Variants in PGBD5 observed in about 807,000 individuals in gnomAD.
PGBD5 encodes piggyBac transposable element derived 5, also known as piggyBac transposable element-derived protein 5.
A neutral mutation model predicts 47.9 loss-of-function variants in PGBD5; 14 were observed. The observed-to-expected ratio is 0.29, with a 90% CI of 0.19 to 0.46. The LOEUF (loss-of-function observed/expected upper bound fraction) is 0.46, where lower values mean the gene tolerates loss of function less well. Among genes scored for constraint, PGBD5 ranks in the 20% least tolerant of loss-of-function variants. PGBD5 has a pLI of 1.00. For synonymous variants in PGBD5, 316 were observed against 306.3 expected (o/e 1.03, Z -0.33); for missense variants, 635 against 716.0 (o/e 0.89, Z 1.29).
In PGBD5 at chr1:230,337,264, C is replaced by G; in HGVS notation, c.919G>C (p.Gly307Arg). 2 of 1,612,760 alleles carry G rather than the reference C, an allele frequency of 1.2e-6. No individual in the cohort carries two copies. The highest frequency in any genetic ancestry group is 2.7e-5 in the African/African-American group (2 of 75,056). ...AGCGCATCCAGGCCATCTGGGCCCCCACCTTCCTTCAGGTGGACATAAATC... is the reference window on the plus strand; with the variant it reads ...AGCGCATCCAGGCCATCTGGGCCCCGACCTTCCTTCAGGTGGACATAAATC... ...IQIYVHLKEG[G>R]GPDGLDALKN... The change falls in exon 4 of 7, where the codon GGG (glycine) becomes CGG (arginine). Residue 307 changes from glycine to arginine, a missense_variant. By Grantham distance (125) the Gly-to-Arg change is moderately radical (BLOSUM62 -2). Coordinates refer to ENST00000391860, the MANE Select transcript of PGBD5 (RefSeq NM_001258311.2).
intron 1 of PGBD5, among the ~76,000 whole-genome samples, chr1:230,358,124 C>G (rs1667685271): frequency 1.3e-5 from 2 of 152,164 alleles, no homozygotes; most frequent in Non-Finnish European, 2.9e-5. Context: ...CAACACTCCC[C>G]CCAGACAGCA....
intron 5 of PGBD5, among the ~76,000 whole-genome samples, chr1:230,331,290 C>A (rs1342443549): frequency 6.6e-6 from 1 of 152,044 alleles, no homozygotes; most frequent in Non-Finnish European, 1.5e-5. Flanking sequence ...GCGGTATGCA[C>A]CTGTAGTCCA....
chr1:230,360,544 A>G (rs1409502967), intron 1 of PGBD5, among the ~76,000 whole-genome samples: 1 of 152,156 alleles, frequency 6.6e-6, no homozygotes, highest in Non-Finnish European at 1.5e-5. Flanking sequence ...TGTTCTCGTG[A>G]TAGTGAGTGA....
At chr1:230,405,126 C>T (rs1293066009) in intron 1 of PGBD5, among the ~76,000 whole-genome samples, 7 of 150,074 alleles carry the variant, frequency 4.7e-5, no homozygotes, top group African/African-American at 7.4e-5. Context: ...ACCTGGGAGG[C>T]GGAGCTTGCA....
At position 230,357,163 on chromosome 1, in the gene PGBD5, G is replaced by A. The variant is rs895242081; in HGVS notation, c.490C>T (p.Leu164=). The change falls in exon 2 of 7, where the codon CTG becomes TTG. Residue 164 remains leucine (L), a synonymous_variant. Coordinates refer to ENST00000391860, the MANE Select transcript of PGBD5 (RefSeq NM_001258311.2). This position sits in a 1 kb window ranked among gnomAD's most constrained non-coding sequence, Gnocchi z 5.7. ...CCCAGGAACGCCTTCATCTCCGTCA[G>A]CGTCACCTCCACCCAGGCTCCGTCG... The part of the protein sequence containing the change: ...GSDGAWVEVT[L]TEMKAFLGYM... 1 of 1,614,164 alleles carries A rather than the reference G, an allele frequency of 6.2e-7. No individual in the cohort carries two copies. The highest frequency in any genetic ancestry group is 8.5e-7 in the Non-Finnish European group (1 of 1,180,026).
chr1:230,409,406 A>C (rs1014088137), intron 1 of PGBD5, among the ~76,000 whole-genome samples: 1 of 152,242 alleles, frequency 6.6e-6, no homozygotes, highest in African/African-American at 2.4e-5. Flanking sequence ...AAACCTGTAC[A>C]TAAAGGTTTT....
intron 5 of PGBD5, among the ~76,000 whole-genome samples, 191 bp downstream of exon 5, chr1:230,332,653 G>C (rs1198783097): frequency 6.6e-6 from 1 of 152,168 alleles, no homozygotes; most frequent in Non-Finnish European, 1.5e-5. Context: ...TTTCCTCGCT[G>C]CTTCCCCGCT....
intron 3 of PGBD5, among the ~76,000 whole-genome samples, chr1:230,342,881 A>G (rs1193785604): frequency 6.6e-6 from 1 of 152,212 alleles, no homozygotes; most frequent in East Asian, 1.9e-4. Flanking sequence ...ATTAACTAAA[A>G]TGAAAAATTC....
intron 1 of PGBD5, among the ~76,000 whole-genome samples, chr1:230,388,005 G>A (rs937585701): frequency 3.9e-5 from 6 of 152,218 alleles, no homozygotes; most frequent in East Asian, 3.9e-4. Flanking sequence ...TGCTCCCTGC[G>A]TCCCCCAGTG....
At chr1:230,395,955 A>C (rs1571857635) in intron 1 of PGBD5, among the ~76,000 whole-genome samples, 1 of 49,488 alleles carries the variant, frequency 2.0e-5, no homozygotes, top group Non-Finnish European at 3.7e-5. Context: ...TTTACTTCCC[A>C]CCCTCCTCCC....
chr1:230,371,032 A>AG (rs1474268292), intron 1 of PGBD5, among the ~76,000 whole-genome samples: 1 of 152,124 alleles, frequency 6.6e-6, no homozygotes, highest in Non-Finnish European at 1.5e-5. Context: ...CCCTCTCCAG[A>AG]GGGGCACAGT....
intron 4 of PGBD5, among the ~76,000 whole-genome samples, chr1:230,334,692 A>C (rs1242609889): frequency 1.3e-5 from 2 of 152,232 alleles, no homozygotes; most frequent in Non-Finnish European, 2.9e-5. Flanking sequence ...GACATGCTGG[A>C]GGACACTACC....
At chr1:230,365,411 G>A (rs1322206699) in intron 1 of PGBD5, among the ~76,000 whole-genome samples, 1 of 152,150 alleles carries the variant, frequency 6.6e-6, no homozygotes, top group East Asian at 1.9e-4. Context: ...CAGAAAAGGG[G>A]TGACAATGCC....
Position 230,337,078 on chromosome 1 carries a change from G to T in PGBD5, c.1075+30C>A, listed in dbSNP as rs1247740763. On this transcript the variant is annotated intron_variant, in intron 4 of 6. Coordinates refer to ENST00000391860, the MANE Select transcript of PGBD5 (RefSeq NM_001258311.2). The stretch of plus-strand genomic sequence containing the variant: ...CCACTTTCCCAGGGGAGGCTGGGCC[G>T]TATCCTCACTGGCTCCCCACTTGAC... 3.7e-6 allele frequency: 6 copies of T among 1,605,188 alleles called. No homozygotes were observed. The African/African-American group carries it at 5.3e-5, about 14-fold the overall frequency.
intron 5 of PGBD5, among the ~76,000 whole-genome samples, chr1:230,329,774 A>C (rs1167158071): frequency 6.6e-6 from 1 of 152,226 alleles, no homozygotes; most frequent in Non-Finnish European, 1.5e-5. Flanking sequence ...CCTGGCCACT[A>C]AACAACAACA....
chr1:230,366,274 T>C (rs1425922941), intron 1 of PGBD5, among the ~76,000 whole-genome samples: 1 of 152,198 alleles, frequency 6.6e-6, no homozygotes, highest in Non-Finnish European at 1.5e-5. Context: ...CACTCATCCT[T>C]AGTACAAAAC....
chr1:230,368,248 C>T, intron 1 of PGBD5: 1 of 1,234,722 alleles, frequency 8.1e-7, no homozygotes, highest in South Asian at 1.5e-5. Flanking sequence ...TTTTTCCATG[C>T]CTAAAATAAA....
In PGBD5 at chr1:230,425,509, A is replaced by C. The variant is rs1015002388; in HGVS notation, c.331+89T>G. On this transcript the variant is annotated intron_variant, in intron 1 of 6. Transcript: ENST00000391860. This position sits in a 1 kb window ranked among gnomAD's most constrained non-coding sequence, Gnocchi z 4.7. ...GACACCCACAAGCCAGCCCACGGAG[A>C]GTCTGGACTCGCCCGCCCCAGCACC... The C allele has an allele frequency of 2.1e-6, 2 of 974,044 alleles. No homozygotes were observed. Among genetic ancestry groups the C allele is most frequent in the Non-Finnish European group, 2.6e-6 (2 of 760,520 alleles). The allele number at this position is 974,044 out of a possible 1,614,324, so 60.3% of individuals were successfully genotyped here.
intron 1 of PGBD5, among the ~76,000 whole-genome samples, chr1:230,382,832 G>C (rs1245702506): frequency 6.6e-6 from 1 of 152,038 alleles, no homozygotes; most frequent in Non-Finnish European, 1.5e-5. Flanking sequence ...AGAAAGAATG[G>C]GGGCATGGGT....
Sources: gnomAD v4.1 joint callset for allele counts (sites outside exome capture counted in the v4.1 genomes callset) on GRCh38, gnomAD v4.1.1 for gene constraint, Gnocchi (gnomAD v3.1) non-coding constraint, MANE v1.5 for transcripts, NCBI Gene and HGNC (gene_info 2026-07-23, HGNC 2026-07-21) for gene names.